Variants in SUGP2 observed in about 807,000 individuals in gnomAD.
The protein encoded by SUGP2 is SURP and G-patch domain containing 2.
Under a neutral mutation model 90.5 loss-of-function variants are expected in SUGP2, and 24 were observed. The observed-to-expected ratio is 0.27, with a 90% CI of 0.19 to 0.37. The LOEUF (loss-of-function observed/expected upper bound fraction) is 0.37. SUGP2 is among the 10% of genes least tolerant of loss of function. The pLI is 1.00. For missense variants in SUGP2, 1,233 were observed against 1,363.3 expected (o/e 0.90, Z 1.51); for synonymous variants, 473 against 513.4 (o/e 0.92, Z 1.06).
At position 19,024,965 on chromosome 19, in the gene SUGP2, G is replaced by T. The variant is rs757978633; in HGVS notation, c.1383C>A (p.Asn461Lys). The change falls in exon 3 of 11, where the codon AAC becomes AAA. Residue 461 changes from asparagine to lysine, a missense_variant. Transcript: ENST00000452918. ...ELSVKMKTLS[N>K]PLDLALALET... ...CTAGGGCAAGAGCCAAGTCCAGGGG[G>T]TTACTGAGGGTCTTCATCTTGACAC... 1.2e-6 allele frequency: 2 copies of T among 1,614,186 alleles called. No individual in the cohort carries two copies. Among genetic ancestry groups the T allele is most frequent in the Non-Finnish European group, 1.7e-6 (2 of 1,180,022 alleles).
At chr19:19,027,967 G>A (rs557447643) in intron 2 of SUGP2, among the ~76,000 whole-genome samples, 3 of 152,292 alleles carry the variant, frequency 2.0e-5, no homozygotes, top group South Asian at 4.1e-4. Flanking sequence ...TAGCAGCAGT[G>A]GCCTGGCATG....
chr19:19,030,835 G>A, intron 2 of SUGP2, 116 bp downstream of exon 2: 1 of 1,217,462 alleles, frequency 8.2e-7, no homozygotes, highest in South Asian at 1.6e-5. Flanking sequence ...CCTAAATAAG[G>A]AAACTAAGGA....
chr19:19,032,764 G>A (rs1486556143), intron 1 of SUGP2, among the ~76,000 whole-genome samples: 4 of 152,134 alleles, frequency 2.6e-5, no homozygotes, highest in African/African-American at 9.7e-5. Context: ...CCAAAGCCCC[G>A]AAGAATGAGT....
rs1458922400 is a variant in SUGP2 at position 19,009,898 on chromosome 19, G to A, written c.2295C>T (p.Ile765=). 1.9e-6 allele frequency: 3 copies of A among 1,614,058 alleles called. No individual in the cohort carries two copies. The highest frequency in any genetic ancestry group is 2.5e-6 in the Non-Finnish European group (3 of 1,179,950). ...GAGAAGAGGTCTGAGGTGCTTCAGA[G>A]ATGTCCACTCCTGCTGGCTTGGGGG... ...GPSPKPAGVD[I]SEAPQTSSPC... The change falls in exon 5 of 11, where the codon ATC becomes ATT. Residue 765 remains isoleucine, a synonymous_variant. Transcript: ENST00000452918.
chr19:19,024,868 G>A lies in SUGP2; in HGVS notation c.1480C>T (p.Arg494Trp), dbSNP rs777223486. 1.9e-6 allele frequency: 3 copies of A among 1,614,174 alleles called. No homozygotes were observed. The highest frequency in any genetic ancestry group is 2.5e-6 in the Non-Finnish European group (3 of 1,180,042). Residue 494 changes from arginine (R) to tryptophan (W), a missense_variant, in exon 3 of 11, where the codon CGG (arginine) becomes TGG (tryptophan). Around this residue, in one of 8 missense-constraint regions of SUGP2, gnomAD observed 59 missense variants for 92.6 expected, o/e 0.64. Transcript: ENST00000452918. ...GQTFSLASSF[R>W]QEKILEAVGL... Reference sequence around the variant, plus strand: ...ACAGCTTCTAAGATTTTCTCCTGCCGGAAAGAAGAGGCCAAGGAAAATGTC... The same window carrying A: ...ACAGCTTCTAAGATTTTCTCCTGCCAGAAAGAAGAGGCCAAGGAAAATGTC...
chr19:19,008,203 C>T (rs1397798499), intron 6 of SUGP2, 114 bp downstream of exon 6: 6 of 890,604 alleles, frequency 6.7e-6, no homozygotes, highest in Non-Finnish European at 1.1e-5. Context: ...ACTCTGGAGG[C>T]TGAAACAGGA....
chr19:18,997,354 G>A (rs1320578854), intron 8 of SUGP2, among the ~76,000 whole-genome samples: 2 of 152,058 alleles, frequency 1.3e-5, no homozygotes, highest in Non-Finnish European at 2.9e-5. Context: ...GGAGGGAGGA[G>A]AGAGCAAGTG....
At position 19,019,116 on chromosome 19, in the gene SUGP2, C is replaced by T. The variant is rs763510149; in HGVS notation, c.1843G>A (p.Ala615Thr). ...GGACATTTAAAGACCTACCAGTAAG[C>T]AGGGTCCTCTTTGAGAAGAGTTCTC... ...KERTLLKEDP[A>T]YWFLSDENSL... The change falls in exon 4 of 11, where the codon GCT becomes ACT. Residue 615 changes from alanine (A) to threonine (T), a missense_variant. Ala to Thr is a moderately conservative substitution (Grantham distance 58). Coordinates refer to ENST00000452918, the MANE Select transcript of SUGP2 (RefSeq NM_001017392.5). The T allele has an allele frequency of 1.2e-6, 2 of 1,613,774 alleles. No individual in the cohort carries two copies. The highest frequency in any genetic ancestry group is 1.7e-6 in the Non-Finnish European group (2 of 1,179,712).
At position 19,004,527 on chromosome 19, in the gene SUGP2, G is replaced by A. The variant is rs769898593; in HGVS notation, c.2570C>T (p.Thr857Ile). The A allele has an allele frequency of 6.2e-7, 1 of 1,614,246 alleles. No individual in the cohort carries two copies. The highest frequency in any genetic ancestry group is 1.1e-5 in the South Asian group (1 of 91,084). The change falls in exon 7 of 11, where the codon ACC becomes ATC. Residue 857 changes from threonine (T) to isoleucine (I), a missense_variant. Coordinates refer to ENST00000452918, the MANE Select transcript of SUGP2 (RefSeq NM_001017392.5). Reference protein sequence around the residue: ...PHNLHTGGGDTTGSQESPVDL... With the variant: ...PHNLHTGGGDITGSQESPVDL... ...CACGGGGCTCTCCTGAGAACCCGTG[G>A]TGTCACCACCACCAGTGTGAAGGTT...
At position 19,024,662 on chromosome 19, in the gene SUGP2, C is replaced by T. The variant is rs35401849; in HGVS notation, c.1686G>A (p.Thr562=). 211 of 1,614,140 alleles carry T rather than the reference C, an allele frequency of 1.3e-4. No homozygotes were observed. The African/African-American group carries it at 1.7e-3, about 13-fold the overall frequency. The stretch of plus-strand genomic sequence containing the variant: ...GAGCCTTGGCCTGAATTTCAGGTTT[C>T]GTAGGAGGAATCATTTTCTCCTCCT... The part of the protein sequence containing the change: ...MREEEKMIPP[T]KPEIQAKAPS... The change falls in exon 3 of 11, where the codon ACG becomes ACA. Residue 562 remains threonine (T), a synonymous_variant. Transcript: ENST00000452918.
intron 5 of SUGP2, 32 bp from the exon 6 acceptor site, chr19:19,008,460 CTCCT>C: frequency 6.5e-7 from 1 of 1,550,274 alleles, no homozygotes; most frequent in African/African-American, 1.4e-5. Flanking sequence ...TCAGGCATGA[CTCCT>C]GAGCTGCTGC....
chr19:19,020,411 G>A (rs966438365), intron 3 of SUGP2, among the ~76,000 whole-genome samples: 50 of 145,332 alleles, frequency 3.4e-4, no homozygotes, highest in African/African-American at 1.2e-3. Context: ...CAGCCTGAGC[G>A]TCAGAGTGAG....
intron 1 of SUGP2, among the ~76,000 whole-genome samples, chr19:19,031,820 T>C (rs1321856239): frequency 5.5e-5 from 7 of 127,726 alleles, no homozygotes; most frequent in Non-Finnish European, 1.6e-5. Flanking sequence ...CCCTTTTTAT[T>C]TATCTTTTTT....
rs377121673 is a variant in SUGP2 at position 18,994,379 on chromosome 19, C to T, written c.3236G>A (p.Arg1079Gln). 8.1e-6 allele frequency: 13 copies of T among 1,614,108 alleles called. No individual in the cohort carries two copies. Among genetic ancestry groups the T allele is most frequent in the Middle Eastern group, 1.6e-4 (1 of 6,062 alleles). ...CTGTGAACATACCTATTTGTTGGCC[C>T]GCTTGTGTCTGTACATCTGCATCAT... The part of the protein sequence containing the change: ...QRMMQMYRHK[R>Q]ANK Residue 1079 changes from arginine (R) to glutamine (Q), a missense_variant, in exon 10 of 11, where the codon CGG (arginine) becomes CAG (glutamine). By Grantham distance (43) the Arg-to-Gln change is conservative (BLOSUM62 1). Transcript: ENST00000452918.
chr19:19,014,633 GAA>G (rs879928429), intron 4 of SUGP2, among the ~76,000 whole-genome samples: 1 of 132,030 alleles, frequency 7.6e-6, no homozygotes, highest in Non-Finnish European at 1.6e-5. Flanking sequence ...CTTAAAAAAA[GAA>G]AAAAAAAAAA....
In SUGP2 at chr19:19,004,387, C is replaced by T; in HGVS notation, c.2710G>A (p.Glu904Lys). 1.2e-6 allele frequency: 2 copies of T among 1,613,986 alleles called. No individual in the cohort carries two copies. Among genetic ancestry groups the T allele is most frequent in the South Asian group, 1.1e-5 (1 of 91,076 alleles). ...EEDEDDEDGG[E>K]EAPAPGGAGK... ...GCCCCTCCAGGAGCGGGGGCCTCCT[C>T]TCCCCCATCCTCATCGTCCTCGTCC... is the stretch of plus-strand genomic sequence containing the variant. Residue 904 changes from glutamate to lysine, a missense_variant, in exon 7 of 11, where the codon GAG becomes AAG. By Grantham distance (56) the Glu-to-Lys change is moderately conservative (BLOSUM62 1). This residue lies in a region of SUGP2 where 540 missense variants were observed against 542.6 expected (regional missense o/e 1.00). Transcript: ENST00000452918.
chr19:18,998,662 C>A (rs187985882), intron 8 of SUGP2, among the ~76,000 whole-genome samples: 44 of 151,384 alleles, frequency 2.9e-4, no homozygotes, highest in Admixed American at 2.1e-3. Context: ...TGTGTGTGTG[C>A]GTGAGTTACT....
At position 18,991,941 on chromosome 19, in the gene SUGP2, C is replaced by T. The variant is rs1041739624; in HGVS notation, c.*1800G>A. ...CCAGTTGCCAAAGCTACAGAAGCCA[C>T]TGGAAGCAAGCAGAGCCCCTGGGGG... On this transcript the variant is annotated 3_prime_UTR_variant, in exon 11 of 11. Transcript: ENST00000452918. 6.6e-6 allele frequency: 1 copy of T among 152,340 alleles called. No individual in the cohort carries two copies. The highest frequency in any genetic ancestry group is 1.5e-5 in the Non-Finnish European group (1 of 68,158). 9.4% of individuals were successfully genotyped at this position (152,340 alleles called of 1,614,324 possible).
At chr19:19,030,844 G>A in intron 2 of SUGP2, 107 bp downstream of exon 2, 2 of 1,282,654 alleles carry the variant, frequency 1.6e-6, no homozygotes, top group Non-Finnish European at 1.1e-6. Flanking sequence ...GGAAACTAAG[G>A]ATCAGAGGAC....
Sources: allele counts gnomAD v4.1 joint callset (sites outside exome capture counted in the v4.1 genomes callset), GRCh38; gene constraint gnomAD v4.1.1; regional missense constraint gnomAD v4.1.1; transcripts MANE v1.5; gene names NCBI Gene and HGNC (gene_info 2026-07-23, HGNC 2026-07-21).